The following CALD1 variants were observed in gnomAD, a reference collection of about 807,000 sequenced individuals.
CALD1 encodes caldesmon 1, also known as caldesmon.
Under a neutral mutation model 99.9 loss-of-function variants are expected in CALD1, and 33 were observed. That is an observed-to-expected ratio of 0.33 (90% CI 0.25 to 0.44). The LOEUF (loss-of-function observed/expected upper bound fraction) is 0.44, where lower values mean the gene tolerates loss of function less well. Ranked by LOEUF, CALD1 falls within the 20% of genes least tolerant of loss-of-function variation. CALD1 has a pLI of 1.00. For missense variants in CALD1, 861 were observed against 962.1 expected (o/e 0.89, Z 1.39); for synonymous variants, 310 against 325.0 (o/e 0.95, Z 0.50).
intron 1 of CALD1, among the ~76,000 whole-genome samples, chr7:134,794,082 A>T (rs577952291): frequency 6.6e-6 from 1 of 152,282 alleles, no homozygotes; most frequent in Admixed American, 6.5e-5. Context: ...CATTTCTGAA[A>T]CAAATCAAGG....
intron 1 of CALD1, among the ~76,000 whole-genome samples, chr7:134,758,890 C>A (rs1295680967): frequency 1.3e-5 from 2 of 152,154 alleles, no homozygotes; most frequent in African/African-American, 4.8e-5. Flanking sequence ...CATCTGTACC[C>A]TTCCTTCCCA....
chr7:134,886,842 T>A (rs1408609865), intron 3 of CALD1, among the ~76,000 whole-genome samples: 1 of 152,232 alleles, frequency 6.6e-6, no homozygotes, highest in Non-Finnish European at 1.5e-5. Context: ...TCACTTTCTG[T>A]CTTATAATAG....
At chr7:134,893,960 G>C (rs554268466) in intron 3 of CALD1, among the ~76,000 whole-genome samples, 1 of 152,248 alleles carries the variant, frequency 6.6e-6, no homozygotes, top group African/African-American at 2.4e-5. Context: ...TAAACAAAGG[G>C]GGCAGAGGAA....
chr7:134,951,246 ACCT>A (rs1807316977), intron 9 of CALD1, among the ~76,000 whole-genome samples: 1 of 151,972 alleles, frequency 6.6e-6, no homozygotes, highest in Non-Finnish European at 1.5e-5. Flanking sequence ...GGACCATAGC[ACCT>A]CCTTTCAGCT....
At chr7:134,733,810 A>G in the CALD1 span, among the ~76,000 whole-genome samples, 3 of 18,552 alleles carry the variant, frequency 1.6e-4, no homozygotes, top group Admixed American at 2.8e-3. Context: ...CTCTGTCTCA[A>G]AAAAAAAAAC....
chr7:134,712,570 T>A, the CALD1 span, among the ~76,000 whole-genome samples: 1 of 152,236 alleles, frequency 6.6e-6, no homozygotes, highest in African/African-American at 2.4e-5. Context: ...CCCTGGAATG[T>A]CTTCTAGAAT....
chr7:134,929,480 G>C (rs1041469292), intron 4 of CALD1, among the ~76,000 whole-genome samples: 108 of 150,390 alleles, frequency 7.2e-4, no homozygotes, highest in African/African-American at 2.6e-3. Context: ...ACTTGTAAGT[G>C]AGAACATTTG....
chr7:134,765,729 G>A (rs188187855), intron 1 of CALD1, among the ~76,000 whole-genome samples: 48 of 152,168 alleles, frequency 3.2e-4, no homozygotes, highest in African/African-American at 9.2e-4. Flanking sequence ...TCTCATGAAT[G>A]GTTTAGCACC....
At chr7:134,830,385 A>G (rs1799172495) in intron 1 of CALD1, among the ~76,000 whole-genome samples, 2 of 152,050 alleles carry the variant, frequency 1.3e-5, no homozygotes, top group Admixed American at 6.6e-5. Context: ...AGTCAATCTT[A>G]AAAATTAGAT....
upstream of CALD1, among the ~76,000 whole-genome samples, chr7:134,742,293 G>C (rs1430128965): frequency 6.6e-6 from 1 of 152,184 alleles, no homozygotes; most frequent in African/African-American, 2.4e-5. Context: ...GCAAAAGAAG[G>C]CCATTCCTAA....
chr7:134,923,850 G>C (rs1269860761), intron 3 of CALD1, among the ~76,000 whole-genome samples: 1 of 152,038 alleles, frequency 6.6e-6, no homozygotes, highest in African/African-American at 2.4e-5. Context: ...TCTTAAACTC[G>C]GAAATTAAAC....
chr7:134,877,644 A>T (rs1801413803), intron 3 of CALD1, among the ~76,000 whole-genome samples: 1 of 152,228 alleles, frequency 6.6e-6, no homozygotes, highest in Non-Finnish European at 1.5e-5. Context: ...ATTTCTGAAC[A>T]ATACAGTATA....
rs573107557 is a variant in CALD1, at chr7:134,885,838, C to T, written c.71+18034C>T. 2.0e-5 allele frequency among the ~76,000 whole-genome samples: 3 copies of T among 152,028 alleles called. No individual in the cohort carries two copies. In the South Asian group the frequency reaches 6.2e-4, roughly 32 times the overall value. ...ACTTCTTTCCTAGAATTATATAAAG[C>T]AGGTATTATTATTATCGTTTTCACC... On this transcript the variant is annotated intron_variant, in intron 3 of 14. Coordinates refer to ENST00000361675, the MANE Select transcript of CALD1 (RefSeq NM_033138.4).
intron 1 of CALD1, among the ~76,000 whole-genome samples, chr7:134,773,844 A>C (rs1305797025): frequency 1.4e-5 from 2 of 146,718 alleles, no homozygotes; most frequent in Non-Finnish European, 3.0e-5. Context: ...TGTTTGTTAT[A>C]ATCTCTCTTT....
chr7:134,921,113 T>C (rs1395361802), intron 3 of CALD1, among the ~76,000 whole-genome samples: 1 of 152,236 alleles, frequency 6.6e-6, no homozygotes, highest in African/African-American at 2.4e-5. Context: ...GCAATTGTTC[T>C]CTAGCGGTGA....
intron 3 of CALD1, among the ~76,000 whole-genome samples, chr7:134,910,865 A>T (rs896389860): frequency 2.6e-5 from 4 of 152,242 alleles, no homozygotes; most frequent in Non-Finnish European, 5.9e-5. Flanking sequence ...TAGTTGCAAC[A>T]TAATGCCATC....
chr7:134,793,312 T>C (rs1797615663), intron 1 of CALD1, among the ~76,000 whole-genome samples: 1 of 152,258 alleles, frequency 6.6e-6, no homozygotes, highest in South Asian at 2.1e-4. Context: ...ATTTGAAGCC[T>C]ACACATATTT....
chr7:134,852,936 A>T (rs575983893), intron 2 of CALD1, among the ~76,000 whole-genome samples: 1 of 152,304 alleles, frequency 6.6e-6, no homozygotes, highest in East Asian at 1.9e-4. Flanking sequence ...TAAATTTATT[A>T]TGGACTGTTT....
In CALD1 at chr7:134,842,014, G is replaced by A. The variant is rs1436690933; in HGVS notation, c.-129-1870G>A. Among the ~76,000 whole-genome samples, 3 of 152,074 alleles carry A rather than the reference G, an allele frequency of 2.0e-5. No homozygotes were observed. The South Asian group carries it at 6.2e-4, about 32-fold the overall frequency. On this transcript the variant is annotated intron_variant, in intron 1 of 14. Transcript: ENST00000361675. The stretch of plus-strand genomic sequence containing the variant: ...TATCCCTCACCATCCAACCTCCAGG[G>A]ACCCTCAGTGGACCTCTTTACATCC...
Sources: allele counts gnomAD v4.1 joint callset (sites outside exome capture counted in the v4.1 genomes callset), GRCh38; gene constraint gnomAD v4.1.1; transcripts MANE v1.5; gene names NCBI Gene and HGNC (gene_info 2026-07-23, HGNC 2026-07-21).